The following PDE1C variants were observed in gnomAD, a reference collection of about 807,000 sequenced individuals.
PDE1C encodes the protein dual specificity calcium/calmodulin-dependent 3',5'-cyclic nucleotide phosphodiesterase 1C.
A neutral mutation model predicts 93.1 loss-of-function variants in PDE1C; 62 were observed. That is an observed-to-expected ratio of 0.67 (90% CI 0.54 to 0.82). The LOEUF (loss-of-function observed/expected upper bound fraction) is 0.82, where lower values mean the gene tolerates loss of function less well. Ranked by LOEUF, PDE1C falls within the 40% of genes least tolerant of loss-of-function variation. PDE1C has a pLI of 0.00. For synonymous variants in PDE1C, 325 were observed against 310.1 expected (o/e 1.05, Z -0.50); for missense variants, 742 against 884.6 (o/e 0.84, Z 2.04).
intron 2 of PDE1C, among the ~76,000 whole-genome samples, chr7:32,040,972 A>T (rs948855708): frequency 6.6e-6 from 1 of 152,096 alleles, no homozygotes; most frequent in African/African-American, 2.4e-5. Flanking sequence ...GAAGAACAAG[A>T]CCTGTCTGCT....
rs1280142660 is a variant in PDE1C at position 31,815,910 on chromosome 7, G to T, written c.1813+14C>A. Reference sequence around the variant, plus strand: ...GCCGCGAAAAGAGCCCTTCACCAGTGTAAGTCTACTCACCATTCTGTTGCT... The same window carrying T: ...GCCGCGAAAAGAGCCCTTCACCAGTTTAAGTCTACTCACCATTCTGTTGCT... On this transcript the variant is annotated intron_variant, in intron 15 of 17. Coordinates refer to ENST00000396191, the MANE Select transcript of PDE1C (RefSeq NM_001191057.4). 3.2e-6 allele frequency: 5 copies of T among 1,561,492 alleles called. No homozygotes were observed. The highest frequency in any genetic ancestry group is 4.5e-5 in the East Asian group (2 of 44,654).
chr7:31,916,797 G>A (rs556198308), intron 2 of PDE1C, among the ~76,000 whole-genome samples: 173 of 152,230 alleles, frequency 1.1e-3, no homozygotes, highest in Non-Finnish European at 2.0e-3. Flanking sequence ...ATAATATTGA[G>A]GGGCTGCTCC....
intron 16 of PDE1C, among the ~76,000 whole-genome samples, chr7:31,791,551 G>A (rs1253411358): frequency 3.9e-5 from 6 of 152,044 alleles, no homozygotes; most frequent in Non-Finnish European, 7.4e-5. Context: ...GGGATCATAC[G>A]TCATGAGGCT....
At chr7:32,027,164 C>T (rs929400968) in intron 2 of PDE1C, among the ~76,000 whole-genome samples, 11 of 152,218 alleles carry the variant, frequency 7.2e-5, no homozygotes, top group African/African-American at 2.6e-4. Context: ...ATACTCTGAA[C>T]TTCGGGCGAG....
chr7:31,747,685 T>C (rs1374223147), downstream of PDE1C, among the ~76,000 whole-genome samples: 3 of 152,034 alleles, frequency 2.0e-5, no homozygotes, highest in Admixed American at 1.3e-4. Context: ...GGAGATTTTA[T>C]GGGCAAGTTG....
intron 2 of PDE1C, among the ~76,000 whole-genome samples, chr7:32,194,062 C>T (rs1254408854): frequency 6.6e-6 from 1 of 151,830 alleles, no homozygotes. Context: ...CTACAGGCGC[C>T]CGCCACCACA....
chr7:31,714,706 G>A, the PDE1C span, among the ~76,000 whole-genome samples: 4 of 152,182 alleles, frequency 2.6e-5, no homozygotes, highest in Non-Finnish European at 5.9e-5. Context: ...ATGGCCGCAG[G>A]CAAAGAGAAT....
chr7:31,763,225 C>G (rs1794941624), intron 17 of PDE1C, among the ~76,000 whole-genome samples: 1 of 152,178 alleles, frequency 6.6e-6, no homozygotes, highest in Non-Finnish European at 1.5e-5. Flanking sequence ...TTCCTGTTGT[C>G]TGGGAATGCC....
chr7:32,367,907 C>T (rs1473725356), intron 1 of PDE1C, among the ~76,000 whole-genome samples: 1 of 151,844 alleles, frequency 6.6e-6, no homozygotes, highest in African/African-American at 2.4e-5. Context: ...CACAGCACTG[C>T]ACTCCAGCCT....
chr7:31,911,143 C>G (rs1389941360), intron 2 of PDE1C, among the ~76,000 whole-genome samples: 1 of 152,186 alleles, frequency 6.6e-6, no homozygotes, highest in East Asian at 1.9e-4. Context: ...AACAATCACT[C>G]CTGACTATCT....
intron 2 of PDE1C, among the ~76,000 whole-genome samples, chr7:31,970,029 T>C (rs1810703044): frequency 6.6e-6 from 1 of 152,008 alleles, no homozygotes; most frequent in South Asian, 2.1e-4. Context: ...CATTAGGAGA[T>C]ATACCTAATG....
At chr7:32,290,762 G>A (rs865775138) in intron 1 of PDE1C, among the ~76,000 whole-genome samples, 2 of 152,172 alleles carry the variant, frequency 1.3e-5, no homozygotes, top group Non-Finnish European at 2.9e-5. Flanking sequence ...ACCTGCTGAG[G>A]AAATGGGAAC....
the PDE1C span, among the ~76,000 whole-genome samples, chr7:31,680,261 A>C: frequency 6.6e-6 from 1 of 152,162 alleles, no homozygotes; most frequent in Non-Finnish European, 1.5e-5. Context: ...AGAACATGAT[A>C]CTCAAAAAAG....
At chr7:31,800,644 G>T (rs959657049) in intron 16 of PDE1C, among the ~76,000 whole-genome samples, 2 of 151,400 alleles carry the variant, frequency 1.3e-5, no homozygotes, top group African/African-American at 4.8e-5. Context: ...TAGCTTTATA[G>T]TAAGTCTTGA....
intron 17 of PDE1C, among the ~76,000 whole-genome samples, chr7:31,757,865 C>T (rs557818489): frequency 1.1e-4 from 17 of 152,266 alleles, no homozygotes; most frequent in Non-Finnish European, 2.1e-4. Flanking sequence ...TATTGCAGCA[C>T]TATTCACAAT....
chr7:31,700,329 C>T, the PDE1C span, among the ~76,000 whole-genome samples: 5 of 152,164 alleles, frequency 3.3e-5, no homozygotes, highest in African/African-American at 1.2e-4. Flanking sequence ...CCAGCCATAA[C>T]CCTTCCTTAA....
At chr7:32,015,692 T>A (rs1787805989) in intron 2 of PDE1C, among the ~76,000 whole-genome samples, 1 of 151,970 alleles carries the variant, frequency 6.6e-6, no homozygotes, top group South Asian at 2.1e-4. Flanking sequence ...CATCAAAAAA[T>A]TCCCAAAAAT....
At chr7:32,152,801 G>A (rs1801336635) in intron 3 of PDE1C, among the ~76,000 whole-genome samples, 1 of 152,064 alleles carries the variant, frequency 6.6e-6, no homozygotes, top group Non-Finnish European at 1.5e-5. Flanking sequence ...GTGGCAACAT[G>A]GCAAAATGAC....
intron 2 of PDE1C, among the ~76,000 whole-genome samples, chr7:31,934,293 TCA>T (rs1563060280): frequency 6.6e-6 from 1 of 152,192 alleles, no homozygotes. Context: ...AAAAAATGAT[TCA>T]GTTTTTTAAA....
Sources: gnomAD v4.1 joint callset for allele counts (sites outside exome capture counted in the v4.1 genomes callset) on GRCh38, gnomAD v4.1.1 for gene constraint, MANE v1.5 for transcripts, NCBI Gene and HGNC (gene_info 2026-07-23, HGNC 2026-07-21) for gene names.